Variants in FBXL4 observed in about 807,000 individuals in gnomAD.
FBXL4 encodes the protein F-box/LRR-repeat protein 4.
In FBXL4, 40 loss-of-function variants were observed where a neutral mutation model predicts 58.9. The ratio of observed to expected loss-of-function variants is 0.68; its 90% CI spans 0.53 to 0.88. The LOEUF (loss-of-function observed/expected upper bound fraction) is 0.88. Ranked by LOEUF, FBXL4 falls within the 40% of genes least tolerant of loss-of-function variation. FBXL4 has a pLI of 0.00. For synonymous variants in FBXL4, 263 were observed against 265.5 expected (o/e 0.99, Z 0.09); for missense variants, 676 against 734.4 (o/e 0.92, Z 0.92).
intron 4 of FBXL4, among the ~76,000 whole-genome samples, chr6:98,918,248 C>T (rs1294763620): frequency 1.3e-5 from 2 of 152,118 alleles, no homozygotes; most frequent in African/African-American, 4.8e-5. Context: ...CTTGTATATG[C>T]CCTTCTCCTG....
intron 5 of FBXL4, 74 bp from the exon 6 acceptor site, chr6:98,905,744 T>C: frequency 1.4e-6 from 2 of 1,413,012 alleles, no homozygotes; most frequent in Non-Finnish European, 1.9e-6. Flanking sequence ...TAACATAATC[T>C]AATAAGGAAT....
At chr6:98,933,161 G>A (rs547719887) in intron 2 of FBXL4, among the ~76,000 whole-genome samples, 1 of 152,306 alleles carries the variant, frequency 6.6e-6, no homozygotes, top group East Asian at 1.9e-4. Context: ...TGAATTTGAT[G>A]TAGCATCTGA....
Position 98,880,641 on chromosome 6 carries a change from C to T in FBXL4, c.1318-17G>A. On this transcript the variant is annotated splice_polypyrimidine_tract_variant and intron_variant, in intron 7 of 9. Transcript: ENST00000369244. ...TGCTGTTTGCTGCCATTAGGGACCA[C>T]ATCAGAGGCAAATATGGAAAGTGAA... 1.2e-6 allele frequency: 2 copies of T among 1,609,102 alleles called. No individual in the cohort carries two copies. The highest frequency in any genetic ancestry group is 1.7e-6 in the Non-Finnish European group (2 of 1,175,772).
rs768403473 is a variant in FBXL4 at position 98,917,510 on chromosome 6, A to G, written c.722T>C (p.Ile241Thr). 11 of 1,613,972 alleles carry G rather than the reference A, an allele frequency of 6.8e-6. No homozygotes were observed. In the South Asian group the frequency reaches 8.8e-5, roughly 13 times the overall value. ...ATCATCTTCTATATCATTCATGTCA[A>G]TAAGTGAAGTCTTGAGAGAAAGCAC... ...KPVLSLKTSL[I>T]DMNDIEDDAY... is the part of the protein sequence containing the mutation. Residue 241 changes from isoleucine to threonine, a missense_variant, in exon 5 of 10, where the codon ATT becomes ACT. Coordinates refer to ENST00000369244, the MANE Select transcript of FBXL4 (RefSeq NM_001278716.2).
At position 98,875,535 on chromosome 6, in the gene FBXL4, G is replaced by A; in HGVS notation, c.1582C>T (p.Leu528=). The A allele has an allele frequency of 6.2e-7, 1 of 1,614,180 alleles. No individual in the cohort carries two copies. Among genetic ancestry groups the A allele is most frequent in the Non-Finnish European group, 8.5e-7 (1 of 1,180,010 alleles). ...TGCAAGTTTGGGAGCTGGTGTGCCAGTCTGGTGAAGCACCCGGTGCTGCTC... is the reference window on the plus strand; with the variant it reads ...TGCAAGTTTGGGAGCTGGTGTGCCAATCTGGTGAAGCACCCGGTGCTGCTC... The part of the protein sequence containing the change: ...LQSSTGCFTR[L]AHQLPNLQKL... The change falls in exon 9 of 10, where the codon CTG becomes TTG. Residue 528 remains leucine (L), a synonymous_variant. Coordinates refer to ENST00000369244, the MANE Select transcript of FBXL4 (RefSeq NM_001278716.2).
intron 1 of FBXL4, 44 bp from the exon 2 acceptor site, chr6:98,934,923 C>G (rs966963360): frequency 3.3e-5 from 5 of 152,132 alleles, no homozygotes; most frequent in Non-Finnish European, 5.9e-5. Context: ...GTAAACAGTA[C>G]CACTCTCTTC....
At chr6:98,880,946 T>C (rs1168746249) in intron 7 of FBXL4, among the ~76,000 whole-genome samples, 1 of 152,120 alleles carries the variant, frequency 6.6e-6, no homozygotes, top group Admixed American at 6.6e-5. Flanking sequence ...TGGCTACAAT[T>C]GAACAACAAG....
chr6:98,932,776 A>G (rs1435196971), intron 2 of FBXL4, among the ~76,000 whole-genome samples: 1 of 152,204 alleles, frequency 6.6e-6, no homozygotes, highest in East Asian at 1.9e-4. Context: ...ATTATTCTCA[A>G]GTTATACTAC....
At chr6:98,877,092 A>G (rs1413031333) in intron 8 of FBXL4, among the ~76,000 whole-genome samples, 2 of 152,154 alleles carry the variant, frequency 1.3e-5, no homozygotes, top group African/African-American at 4.8e-5. Flanking sequence ...CAATGATGGA[A>G]TGAAGAAATC....
Position 98,905,530 on chromosome 6 carries a change from A to G in FBXL4, c.999T>C (p.Asp333=). 6.2e-7 allele frequency: 1 copy of G among 1,614,036 alleles called. No homozygotes were observed. Among genetic ancestry groups the G allele is most frequent in the Non-Finnish European group, 8.5e-7 (1 of 1,179,954 alleles). ...LNLQPYWAKL[D]DTSLEFLQSR... ...ACTGTAGAAATTCCAGAGAAGTGTC[A>G]TCTAGTTTTGCCCAGTATGGTTGCA... The change falls in exon 6 of 10, where the codon GAT becomes GAC. Residue 333 remains aspartate (D), a synonymous_variant. Coordinates refer to ENST00000369244, the MANE Select transcript of FBXL4 (RefSeq NM_001278716.2).
intron 1 of FBXL4, among the ~76,000 whole-genome samples, chr6:98,946,176 G>A (rs561574327): frequency 6.6e-6 from 1 of 152,162 alleles, no homozygotes; most frequent in Non-Finnish European, 1.5e-5. Context: ...ACCACAGGGA[G>A]CCAAAGAATA....
chr6:98,911,864 G>A (rs537126372), intron 5 of FBXL4, among the ~76,000 whole-genome samples: 168 of 152,308 alleles, frequency 1.1e-3, no homozygotes, highest in African/African-American at 3.4e-3. Context: ...GGTTTCAGAC[G>A]ATCAAACTAC....
intron 5 of FBXL4, among the ~76,000 whole-genome samples, chr6:98,908,077 A>G (rs995111367): frequency 4.6e-5 from 7 of 152,190 alleles, no homozygotes; most frequent in Admixed American, 2.0e-4. Flanking sequence ...ATCCAGATAC[A>G]CCTGTTGATG....
At position 98,879,916 on chromosome 6, in the gene FBXL4, C is replaced by G. The variant is rs1770789791; in HGVS notation, c.1389+637G>C. 2.2e-5 allele frequency among the ~76,000 whole-genome samples: 3 copies of G among 136,090 alleles called. 1 individual carries two copies. The highest frequency in any genetic ancestry group is 8.0e-5 in the Admixed American group (1 of 12,492). 89.3% of individuals were successfully genotyped at this position (136,090 alleles called of 152,430 possible). On this transcript the variant is annotated intron_variant, in intron 8 of 9. Coordinates refer to ENST00000369244, the MANE Select transcript of FBXL4 (RefSeq NM_001278716.2). ...CAAGATCGCGCCGCTGCACTCCAGC[C>G]CGGGCAACAGAGCAAGACTCCATCT...
intron 7 of FBXL4, among the ~76,000 whole-genome samples, chr6:98,886,050 A>G (rs1463905531): frequency 6.6e-6 from 1 of 152,216 alleles, no homozygotes. Flanking sequence ...GTCAAGCACC[A>G]GATAACAACC....
At chr6:98,902,158 T>C (rs1174372528) in intron 6 of FBXL4, among the ~76,000 whole-genome samples, 24 of 152,110 alleles carry the variant, frequency 1.6e-4, no homozygotes, top group Non-Finnish European at 1.5e-4. Flanking sequence ...TCCTCAGAAA[T>C]TGCCTGAAGT....
At chr6:98,942,986 T>A (rs1487386625) in intron 1 of FBXL4, among the ~76,000 whole-genome samples, 2 of 152,126 alleles carry the variant, frequency 1.3e-5, no homozygotes, top group African/African-American at 4.8e-5. Context: ...GGAACTGTTG[T>A]ATATTCTGAC....
intron 1 of FBXL4, among the ~76,000 whole-genome samples, chr6:98,943,771 C>T (rs1773520727): frequency 6.6e-6 from 1 of 151,966 alleles, no homozygotes; most frequent in Admixed American, 6.6e-5. Flanking sequence ...CAGGTACACA[C>T]AAAACTGACA....
In FBXL4 at chr6:98,871,093, A is replaced by G. The variant is rs567512439; in HGVS notation, c.*3185T>C. On this transcript the variant is annotated 3_prime_UTR_variant, in exon 10 of 10. Transcript: ENST00000369244. ...TGAGACTCAGTCTCAAAAAAAAAAAAAAACAAACTCAAAAATGAAAATAAA... is the reference window on the plus strand; with the variant it reads ...TGAGACTCAGTCTCAAAAAAAAAAAGAAACAAACTCAAAAATGAAAATAAA... 3 of 152,044 alleles carry G rather than the reference A, an allele frequency of 2.0e-5. No individual in the cohort carries two copies. The highest frequency in any genetic ancestry group is 4.4e-5 in the Non-Finnish European group (3 of 68,006). 9.4% of individuals were successfully genotyped at this position (152,044 alleles called of 1,614,324 possible).
Sources: gnomAD v4.1 joint callset for allele counts (sites outside exome capture counted in the v4.1 genomes callset) on GRCh38, gnomAD v4.1.1 for gene constraint, MANE v1.5 for transcripts, NCBI Gene and HGNC (gene_info 2026-07-23, HGNC 2026-07-21) for gene names.